Variants in CSMD1 observed in about 807,000 individuals in gnomAD.
The protein encoded by CSMD1 is CUB and Sushi multiple domains 1.
In CSMD1, 213 loss-of-function variants were observed where a neutral mutation model predicts 417.5. The observed-to-expected ratio is 0.51, with a 90% CI of 0.46 to 0.57. CSMD1 has a LOEUF of 0.57. CSMD1 is among the 20% of genes least tolerant of loss of function. The pLI is 0.00. For missense variants in CSMD1, 6,923 were observed against 4,529.7 expected, an observed-to-expected ratio of 1.53 and a Z score of -15.17; for synonymous variants, 2,862 against 1,736.8, an observed-to-expected ratio of 1.65 and a Z score of -16.11.
intron 12 of CSMD1, among the ~76,000 whole-genome samples, chr8:3,442,381 A>G (rs1815040757): frequency 6.6e-6 from 1 of 152,206 alleles, no homozygotes; most frequent in South Asian, 2.1e-4. Flanking sequence ...CTCACCCAGA[A>G]CAACTTCCCA....
Position 3,682,944 on chromosome 8 carries a change from G to A in CSMD1, c.1009+25470C>T, listed in dbSNP as rs1428310075. Among the ~76,000 whole-genome samples, 5 of 151,972 alleles carry A rather than the reference G, an allele frequency of 3.3e-5. No homozygotes were observed. In the East Asian group the frequency reaches 9.7e-4, roughly 29 times the overall value. On this transcript the variant is annotated intron_variant, in intron 7 of 69. Transcript: ENST00000635120. ...ATTCTCAGCAAACTATCTATCGCAA[G>A]GACCAAAAACCAAACACTGCATGTT...
chr8:4,519,936 C>CGTGTGTGT (rs67711521), intron 2 of CSMD1, among the ~76,000 whole-genome samples: 2 of 146,994 alleles, frequency 1.4e-5, no homozygotes, highest in African/African-American at 2.5e-5. Context: ...TGTGTGTGTG[C>CGTGTGTGT]GTGTGTGTGT....
At chr8:4,022,723 C>A (rs577631566) in intron 4 of CSMD1, among the ~76,000 whole-genome samples, 4 of 152,246 alleles carry the variant, frequency 2.6e-5, no homozygotes, top group African/African-American at 7.2e-5. Flanking sequence ...GGTGAAGTGA[C>A]AACTCACTGG....
At chr8:4,835,595 A>G (rs547675665) in intron 1 of CSMD1, among the ~76,000 whole-genome samples, 1 of 152,308 alleles carries the variant, frequency 6.6e-6, no homozygotes, top group East Asian at 1.9e-4. Context: ...CACAAATTTT[A>G]TCTACATTTT....
chr8:4,459,781 T>C lies in CSMD1; in HGVS notation c.303-39716A>G, dbSNP rs79912188. On this transcript the variant is annotated intron_variant, in intron 2 of 69. Transcript: ENST00000635120. ...TCTAGCCTCCAGAACTATGAGAAAATTAATTTTTGCTGTTTAAAACCATAC... is the reference window on the plus strand; with the variant it reads ...TCTAGCCTCCAGAACTATGAGAAAACTAATTTTTGCTGTTTAAAACCATAC... Among the ~76,000 whole-genome samples the C allele has an allele frequency of 3.1e-3, 471 of 152,246 alleles. 4 individuals carry two copies. The highest frequency in any genetic ancestry group is 0.011 in the African/African-American group (447 of 41,538).
intron 3 of CSMD1, among the ~76,000 whole-genome samples, chr8:4,123,315 G>T (rs1295395772): frequency 1.3e-5 from 2 of 152,196 alleles, no homozygotes; most frequent in African/African-American, 4.8e-5. Context: ...TCACTATCTG[G>T]AGCAGATGCA....
At chr8:2,972,006 T>A (rs940434916) in intron 57 of CSMD1, among the ~76,000 whole-genome samples, 4 of 152,076 alleles carry the variant, frequency 2.6e-5, no homozygotes, top group Non-Finnish European at 5.9e-5. Flanking sequence ...TAGTCAAAAA[T>A]AGTCTTTGAG....
chr8:4,758,216 C>G (rs184179692), intron 1 of CSMD1, among the ~76,000 whole-genome samples: 6 of 152,182 alleles, frequency 3.9e-5, no homozygotes, highest in African/African-American at 1.4e-4. Flanking sequence ...GATGCTGTTC[C>G]TGTCTTTATC....
chr8:3,225,514 C>T (rs752774291), intron 27 of CSMD1, among the ~76,000 whole-genome samples: 4 of 151,774 alleles, frequency 2.6e-5, no homozygotes, highest in East Asian at 1.9e-4. Flanking sequence ...AAGCGTGGAC[C>T]GATCAGGGAG....
intron 5 of CSMD1, among the ~76,000 whole-genome samples, chr8:3,862,974 G>C (rs901773418): frequency 1.3e-5 from 2 of 152,168 alleles, no homozygotes; most frequent in Non-Finnish European, 2.9e-5. Flanking sequence ...GGAGTCTGGA[G>C]ATTCCAATAT....
chr8:4,592,517 G>T (rs1800043239), intron 2 of CSMD1, among the ~76,000 whole-genome samples: 1 of 151,890 alleles, frequency 6.6e-6, no homozygotes, highest in East Asian at 1.9e-4. Flanking sequence ...TTCCTGAGTA[G>T]CTAGAACTAC....
At chr8:2,963,159 C>T (rs1803645263) in intron 60 of CSMD1, 63 bp downstream of exon 60, 1 of 1,561,944 alleles carries the variant, frequency 6.4e-7, no homozygotes, top group South Asian at 1.1e-5. Flanking sequence ...TAGGATGTGC[C>T]CTGGTTATCC....
intron 3 of CSMD1, among the ~76,000 whole-genome samples, chr8:4,040,090 A>T (rs1404710837): frequency 6.6e-6 from 1 of 152,346 alleles, no homozygotes; most frequent in South Asian, 2.1e-4. Context: ...CAAAGTATAC[A>T]GAGATTTTAA....
chr8:4,542,276 C>G (rs1797424569), intron 2 of CSMD1, among the ~76,000 whole-genome samples: 1 of 151,506 alleles, frequency 6.6e-6, no homozygotes, highest in African/African-American at 2.4e-5. Flanking sequence ...TTAGGATAAA[C>G]ACAGTCAACA....
intron 1 of CSMD1, among the ~76,000 whole-genome samples, chr8:4,744,055 T>C (rs756069893): frequency 6.6e-6 from 1 of 152,212 alleles, no homozygotes; most frequent in Non-Finnish European, 1.5e-5. Context: ...GTTTTTCTTA[T>C]GCGGCTTTGA....
In CSMD1 at chr8:4,966,953, G is replaced by A. The variant is rs116950931; in HGVS notation, c.85+27379C>T. Among the ~76,000 whole-genome samples, 870 of 152,214 alleles carry A rather than the reference G, an allele frequency of 5.7e-3. 5 individuals are homozygous for A. Among genetic ancestry groups the A allele is most frequent in the Non-Finnish European group, 9.7e-3 (660 of 68,010 alleles). ...CAGTGTTGCAAATTCCTTAGAGAAC[G>A]TTTGCTTTTTACAAATTGCCATTTT... On this transcript the variant is annotated intron_variant, in intron 1 of 69. Transcript: ENST00000635120.
chr8:3,429,206 AAACGCTG>A (rs1814051978), intron 12 of CSMD1, among the ~76,000 whole-genome samples: 1 of 151,688 alleles, frequency 6.6e-6, no homozygotes, highest in Non-Finnish European at 1.5e-5. Flanking sequence ...TACCGTAAAG[AAACGCTG>A]AACGTTGGAG....
At chr8:3,912,097 A>G (rs952955131) in intron 5 of CSMD1, among the ~76,000 whole-genome samples, 9 of 152,202 alleles carry the variant, frequency 5.9e-5, no homozygotes, top group African/African-American at 4.8e-5. Context: ...ATCAATAAAT[A>G]TAACAGCTTG....
chr8:4,697,775 C>G (rs189610584), intron 1 of CSMD1, among the ~76,000 whole-genome samples: 1 of 152,200 alleles, frequency 6.6e-6, no homozygotes, highest in Non-Finnish European at 1.5e-5. Context: ...GCATTACAAA[C>G]TGTGATAAAA....
Sources: allele counts gnomAD v4.1 joint callset (sites outside exome capture counted in the v4.1 genomes callset), GRCh38; gene constraint gnomAD v4.1.1; transcripts MANE v1.5; gene names NCBI Gene and HGNC (gene_info 2026-07-23, HGNC 2026-07-21).